Variants in PRKX observed in about 807,000 individuals in gnomAD.
PRKX encodes the protein cAMP-dependent protein kinase catalytic subunit PRKX.
Under a neutral mutation model 22.0 loss-of-function variants are expected in PRKX, and 12 were observed. The observed-to-expected ratio is 0.54, with a 90% confidence interval of 0.35 to 0.88. PRKX has a LOEUF of 0.88. Among genes scored for constraint, PRKX ranks in the 40% least tolerant of loss-of-function variants. PRKX has a pLI of 0.01. For synonymous variants in PRKX, 134 were observed against 137.7 expected (o/e 0.97, Z 0.19); for missense variants, 217 against 308.0 (o/e 0.70, Z 2.21).
intron 4 of PRKX, among the ~76,000 whole-genome samples, chrX:3,631,499 G>C (rs1365236821): frequency 9.2e-6 from 1 of 109,238 alleles, no homozygotes; most frequent in Non-Finnish European, 1.9e-5. Flanking sequence ...AGAGCCTCCA[G>C]AGGGAACTGG....
intron 1 of PRKX, among the ~76,000 whole-genome samples, chrX:3,703,293 C>CAA (rs1056092722): frequency 5.4e-5 from 6 of 111,588 alleles, no homozygotes; most frequent in African/African-American, 1.6e-4. Flanking sequence ...CTCTAAAAAA[C>CAA]AAAACAAATA....
Position 3,695,334 on chromosome X carries a change from A to G in PRKX, c.166+17754T>C, listed in dbSNP as rs185057697. On this transcript the variant is annotated intron_variant, in intron 1 of 8. Transcript: ENST00000262848. ...GTGGATGGAGACAATATCCTCTCCA[A>G]CTCTTCAAAAAAGATGTCTCAAAGT... is the stretch of plus-strand genomic sequence containing the variant. Among the ~76,000 whole-genome samples, 408 of 110,243 alleles carry G rather than the reference A, an allele frequency of 3.7e-3. 5 individuals carry two copies. Among genetic ancestry groups the G allele is most frequent in the African/African-American group, 0.012 (369 of 30,354 alleles).
intron 1 of PRKX, among the ~76,000 whole-genome samples, chrX:3,689,773 C>A (rs193291270): frequency 5.0e-4 from 56 of 111,599 alleles, no homozygotes; most frequent in East Asian, 1.7e-3. Context: ...GTCAGGAGAT[C>A]GAGACCATCC....
intron 6 of PRKX, among the ~76,000 whole-genome samples, chrX:3,617,780 T>A (rs1926461594): frequency 9.0e-6 from 1 of 111,399 alleles, no homozygotes; most frequent in Admixed American, 9.6e-5. Flanking sequence ...TAAAAACTCC[T>A]ATCCCCTAGT....
intron 5 of PRKX, among the ~76,000 whole-genome samples, chrX:3,625,773 G>A (rs1291183438): frequency 9.0e-6 from 1 of 110,780 alleles, no homozygotes; most frequent in African/African-American, 3.3e-5. Context: ...AGGTTTCACC[G>A]TGTTTCCCAG....
intron 1 of PRKX, among the ~76,000 whole-genome samples, chrX:3,699,295 C>T (rs376377920): frequency 1.1e-3 from 120 of 110,415 alleles, no homozygotes; most frequent in African/African-American, 4.0e-3. Context: ...CCTCAGCCTC[C>T]CAAAGTGCTG....
At chrX:3,620,785 G>A (rs1327044126) in intron 6 of PRKX, among the ~76,000 whole-genome samples, 2 of 111,944 alleles carry the variant, frequency 1.8e-5, no homozygotes, top group Non-Finnish European at 3.8e-5. Flanking sequence ...ACTGAAGGGT[G>A]CAGGGTTTCT....
chrX:3,682,546 T>TA (rs768034396), intron 1 of PRKX, among the ~76,000 whole-genome samples: 8 of 108,062 alleles, frequency 7.4e-5, no homozygotes, highest in African/African-American at 2.0e-4. Flanking sequence ...AAAAATGAAA[T>TA]AAAAAAAAAG....
chrX:3,664,656 T>G (rs1219020310), intron 2 of PRKX, among the ~76,000 whole-genome samples: 1 of 112,239 alleles, frequency 8.9e-6, no homozygotes, highest in Non-Finnish European at 1.9e-5. Context: ...ATCATGTCTT[T>G]TGCAACGACA....
intron 1 of PRKX, among the ~76,000 whole-genome samples, chrX:3,689,480 C>G (rs953231760): frequency 2.7e-5 from 3 of 111,871 alleles, no homozygotes; most frequent in African/African-American, 9.7e-5. Context: ...GAGTCCTAGA[C>G]CAGCCTGGGT....
chrX:3,612,616 CT>C (rs1225720486), intron 7 of PRKX, among the ~76,000 whole-genome samples: 1 of 109,544 alleles, frequency 9.1e-6, no homozygotes, highest in Non-Finnish European at 1.9e-5. Flanking sequence ...AGGGAGTCCC[CT>C]GTCTCTACAA....
intron 1 of PRKX, among the ~76,000 whole-genome samples, chrX:3,711,525 A>G (rs1928788929): frequency 8.9e-6 from 1 of 112,096 alleles, no homozygotes; most frequent in East Asian, 2.8e-4. Flanking sequence ...ACCTTTCCCA[A>G]GGGACCCATG....
At chrX:3,694,804 T>G (rs12392684) in intron 1 of PRKX, among the ~76,000 whole-genome samples, 3 of 102,449 alleles carry the variant, frequency 2.9e-5, no homozygotes, top group East Asian at 3.5e-4. Flanking sequence ...CAGGCACAGA[T>G]GAGAAGGCCA....
intron 1 of PRKX, among the ~76,000 whole-genome samples, chrX:3,689,921 G>A (rs1027854103): frequency 9.0e-6 from 1 of 111,106 alleles, no homozygotes; most frequent in Non-Finnish European, 1.9e-5. Context: ...AGCTTGCAGT[G>A]AGCCGAGATG....
At chrX:3,681,027 T>G (rs1489095096) in intron 1 of PRKX, among the ~76,000 whole-genome samples, 6 of 106,268 alleles carry the variant, frequency 5.6e-5, no homozygotes, top group African/African-American at 2.1e-4. Context: ...TGAGCTATGG[T>G]TGCCACCGCA....
At position 3,664,332 on chromosome X, in the gene PRKX, G is replaced by A. The variant is rs751492672; in HGVS notation, c.336-8920C>T. Among the ~76,000 whole-genome samples, 24 of 111,948 alleles carry A rather than the reference G, an allele frequency of 2.1e-4. No homozygotes were observed. The South Asian group carries it at 3.7e-3, about 17-fold the overall frequency. ...GATCACTGCAACCTTCAACTCCTGA[G>A]CTCGAGCAATTCTCCCACCTCAGCC... On this transcript the variant is annotated intron_variant, in intron 2 of 8. Coordinates refer to ENST00000262848, the MANE Select transcript of PRKX (RefSeq NM_005044.5).
chrX:3,664,762 G>A (rs1927685228), intron 2 of PRKX, among the ~76,000 whole-genome samples: 1 of 112,049 alleles, frequency 8.9e-6, no homozygotes, highest in African/African-American at 3.2e-5. Context: ...GCTCAACAGT[G>A]GGTCCACATG....
chrX:3,685,396 G>A (rs866797864), intron 1 of PRKX, among the ~76,000 whole-genome samples: 4 of 109,440 alleles, frequency 3.7e-5, no homozygotes, highest in Non-Finnish European at 7.6e-5. Flanking sequence ...TTCAAGAGGC[G>A]TCATCCCATC....
rs140835728 is a variant in PRKX, at chrX:3,705,120, G to T, written c.166+7968C>A. ...GCCATCACAAAACACGGCAGACTGG[G>T]GCTTAGAAACAACAGACATTTACCG... On this transcript the variant is annotated intron_variant, in intron 1 of 8. Coordinates refer to ENST00000262848, the MANE Select transcript of PRKX (RefSeq NM_005044.5). 2.3e-3 allele frequency among the ~76,000 whole-genome samples: 254 copies of T among 111,576 alleles called. 2 individuals are homozygous for T. The highest frequency in any genetic ancestry group is 7.6e-3 in the African/African-American group (233 of 30,720).
Sources: allele counts gnomAD v4.1 joint callset (sites outside exome capture counted in the v4.1 genomes callset), GRCh38; gene constraint gnomAD v4.1.1; transcripts MANE v1.5; gene names NCBI Gene and HGNC (gene_info 2026-07-23, HGNC 2026-07-21).